RC3H2: variants seen among roughly 807,000 people sequenced by gnomAD.
RC3H2 encodes roquin-2.
A neutral mutation model predicts 133.3 loss-of-function variants in RC3H2; 31 were observed. The observed-to-expected ratio is 0.23, with a 90% CI of 0.17 to 0.31. The LOEUF (loss-of-function observed/expected upper bound fraction) is 0.31, where lower values mean the gene tolerates loss of function less well. RC3H2 is among the 10% of genes least tolerant of loss of function. The probability of loss-of-function intolerance (pLI) is 1.00; values close to 1 mark genes in which losing one functional copy is unlikely to be tolerated. For synonymous variants in RC3H2, 517 were observed against 502.2 expected, an observed-to-expected ratio of 1.03 and a Z score of -0.40; for missense variants, 1,175 against 1,437.2, an observed-to-expected ratio of 0.82 and a Z score of 2.95.
At chr9:122,902,046 C>T (rs968375512) in intron 1 of RC3H2, among the ~76,000 whole-genome samples, 2 of 151,606 alleles carry the variant, frequency 1.3e-5, no homozygotes, top group African/African-American at 4.9e-5. Flanking sequence ...TCTCCTGCCT[C>T]AGCCTCCGGA....
Position 122,862,786 on chromosome 9 carries a change from T to C in RC3H2, c.1634+2563A>G, listed in dbSNP as rs1241067278. On this transcript the variant is annotated intron_variant, in intron 10 of 20. Transcript: ENST00000357244. ...GGCAGGTGCCTGTAATCCCAGCTAC[T>C]TAGGAGGCTGAGGCAGGAGAATTGC... 3.3e-5 allele frequency among the ~76,000 whole-genome samples: 5 copies of C among 151,604 alleles called. No homozygotes were observed. The East Asian group carries it at 9.7e-4, about 29-fold the overall frequency.
In RC3H2 at chr9:122,851,177, T is replaced by G; in HGVS notation, c.3284A>C (p.Asn1095Thr). 1.2e-6 allele frequency: 2 copies of G among 1,614,164 alleles called. No homozygotes were observed. The highest frequency in any genetic ancestry group is 2.2e-5 in the South Asian group (2 of 91,086). ...ATGCCCATTTTCCACTGCCATTCCA[T>G]TTAGCAACTGATCATTTTGAGAACT... ...GISSQNDQLL[N>T]GMAVENGHPV... Residue 1095 changes from asparagine (N) to threonine (T), a missense_variant, in exon 20 of 21, where the codon AAT becomes ACT. Asn to Thr is a moderately conservative substitution (Grantham distance 65). Transcript: ENST00000357244.
At chr9:122,863,767 A>T (rs995589326) in intron 10 of RC3H2, among the ~76,000 whole-genome samples, 5 of 150,960 alleles carry the variant, frequency 3.3e-5, no homozygotes, top group African/African-American at 1.2e-4. Flanking sequence ...ATGGAGTCTC[A>T]CTCTTGTTGC....
At position 122,848,219 on chromosome 9, in the gene RC3H2, G is replaced by A. The variant is rs1829908649; in HGVS notation, c.*1408C>T. 1 of 152,050 alleles carries A rather than the reference G, an allele frequency of 6.6e-6. No individual in the cohort carries two copies. The highest frequency in any genetic ancestry group is 2.4e-5 in the African/African-American group (1 of 41,406). 9.4% of individuals were successfully genotyped at this position (152,050 alleles called of 1,614,324 possible). On this transcript the variant is annotated 3_prime_UTR_variant, in exon 21 of 21. Transcript: ENST00000357244. The stretch of plus-strand genomic sequence containing the variant: ...TTAAAATATTCCAGTACAATTTTCA[G>A]AGTAAACAACTTCACAGAAGTTAAT...
intron 9 of RC3H2, chr9:122,875,360 G>C: frequency 1.9e-6 from 3 of 1,549,094 alleles, no homozygotes; most frequent in Non-Finnish European, 2.6e-6. Context: ...TAGTCCACGG[G>C]GGTTACACTT....
At chr9:122,885,533 G>C (rs907909567) in intron 4 of RC3H2, among the ~76,000 whole-genome samples, 3 of 152,080 alleles carry the variant, frequency 2.0e-5, no homozygotes, top group Non-Finnish European at 4.4e-5. Flanking sequence ...AACAAAATTG[G>C]AACTATAATG....
Position 122,851,434 on chromosome 9 carries a change from T to C in RC3H2, c.3120A>G (p.Leu1040=). 1 of 1,613,790 alleles carries C rather than the reference T, an allele frequency of 6.2e-7. No individual in the cohort carries two copies. Among genetic ancestry groups the C allele is most frequent in the East Asian group, 2.2e-5 (1 of 44,880 alleles). Residue 1040 remains leucine, a splice_region_variant and synonymous_variant, in exon 19 of 21, where the codon TTA becomes TTG. Coordinates refer to ENST00000357244, the MANE Select transcript of RC3H2 (RefSeq NM_001100588.3). ...SKEIELRNGE[L]QSDYTEDATD... ...TTGCATCTTCTGTATAATCACTCTG[T>C]AACTAAGAAAAATACTGATTTTGCT...
intron 1 of RC3H2, among the ~76,000 whole-genome samples, chr9:122,902,897 A>G (rs192919941): frequency 6.6e-6 from 1 of 152,132 alleles, no homozygotes; most frequent in Admixed American, 6.6e-5. Context: ...TTTTAGTAAT[A>G]TATTTTATTT....
rs1830202999 is a variant in RC3H2, at chr9:122,855,360, A to G, written c.2639T>C (p.Leu880Ser). The G allele has an allele frequency of 6.2e-7, 1 of 1,613,800 alleles. No individual in the cohort carries two copies. Among genetic ancestry groups the G allele is most frequent in the Non-Finnish European group, 8.5e-7 (1 of 1,180,034 alleles). Residue 880 changes from leucine to serine, a missense_variant, in exon 15 of 21, where the codon TTA (leucine) becomes TCA (serine). Transcript: ENST00000357244. Reference protein sequence around the residue: ...DSGDVKRRVHLFETQRRTKEE... With the variant: ...DSGDVKRRVHSFETQRRTKEE... ...TTTTGTCCTTCTCTGGGTTTCAAATAAATGTACTCTTCTCTTAACATCACC... is the reference window on the plus strand; with the variant it reads ...TTTTGTCCTTCTCTGGGTTTCAAATGAATGTACTCTTCTCTTAACATCACC...
At position 122,890,520 on chromosome 9, in the gene RC3H2, T is replaced by C. The variant is rs1308175808; in HGVS notation, c.375A>G (p.Ala125=). ...GTTTCCTTTGCATTGGACGGCTCAG[T>C]GCACTCTGGTTCAAGCTAGCTACAC... ...GKGVASLNQS[A]LSRPMQRKLV... is the part of the protein sequence containing the mutation. Residue 125 remains alanine (A), a synonymous_variant, in exon 4 of 21, where the codon GCA becomes GCG. Coordinates refer to ENST00000357244, the MANE Select transcript of RC3H2 (RefSeq NM_001100588.3). 1 of 1,613,616 alleles carries C rather than the reference T, an allele frequency of 6.2e-7. No individual in the cohort carries two copies.
chr9:122,873,767 A>T (rs1831209254), intron 9 of RC3H2: 1 of 152,148 alleles, frequency 6.6e-6, no homozygotes, highest in Admixed American at 6.5e-5. Context: ...CATGTAAATA[A>T]ACAATTATAA....
Position 122,858,108 on chromosome 9 carries a change from A to C in RC3H2, c.2284-15T>G, listed in dbSNP as rs770823604. ...CCACAAGGTTCCTAATGGGGGATAA[A>C]AGAAACAATCTTAATCATCTAGGGA... On this transcript the variant is annotated splice_polypyrimidine_tract_variant and intron_variant, in intron 12 of 20. Coordinates refer to ENST00000357244, the MANE Select transcript of RC3H2 (RefSeq NM_001100588.3). 6.2e-7 allele frequency: 1 copy of C among 1,612,482 alleles called. No homozygotes were observed. The highest frequency in any genetic ancestry group is 8.5e-7 in the Non-Finnish European group (1 of 1,179,202).
At chr9:122,889,175 A>C (rs994007472) in intron 4 of RC3H2, among the ~76,000 whole-genome samples, 5 of 151,946 alleles carry the variant, frequency 3.3e-5, no homozygotes, top group Admixed American at 2.6e-4. Flanking sequence ...CTTCTTTTTC[A>C]TTTGCTTATA....
intron 2 of RC3H2, among the ~76,000 whole-genome samples, chr9:122,895,302 G>A (rs1832372164): frequency 6.6e-6 from 1 of 151,808 alleles, no homozygotes; most frequent in African/African-American, 2.4e-5. Flanking sequence ...CAAGTAGGTG[G>A]GACTACAGTC....
At position 122,866,654 on chromosome 9, in the gene RC3H2, G is replaced by A. The variant is rs542366656; in HGVS notation, c.1326-997C>T. On this transcript the variant is annotated intron_variant, in intron 9 of 20. Transcript: ENST00000357244. ...GCTCCTAGCCGCGAGTGATCCGCCA[G>A]CCTCGGCCTCCGGAGGTGCCGGGAT... 5.8e-4 allele frequency among the ~76,000 whole-genome samples: 88 copies of A among 152,244 alleles called. 1 individual carries two copies. The highest frequency in any genetic ancestry group is 9.1e-4 in the Non-Finnish European group (62 of 68,026).
chr9:122,896,179 G>C lies in RC3H2; in HGVS notation c.231+1100C>G, dbSNP rs1027364027. Among the ~76,000 whole-genome samples, 5 of 151,388 alleles carry C rather than the reference G, an allele frequency of 3.3e-5. No individual in the cohort carries two copies. In the East Asian group the frequency reaches 9.7e-4, roughly 29 times the overall value. ...TTGGGCTGCATTCAAAGCTGTCCTGGGCTGCATGTGGCCTGAAAGCCAGAC... is the reference window on the plus strand; with the variant it reads ...TTGGGCTGCATTCAAAGCTGTCCTGCGCTGCATGTGGCCTGAAAGCCAGAC... On this transcript the variant is annotated intron_variant, in intron 2 of 20. Transcript: ENST00000357244.
At chr9:122,870,401 CAAA>C (rs1831023664) in intron 9 of RC3H2, among the ~76,000 whole-genome samples, 1 of 127,380 alleles carries the variant, frequency 7.9e-6, no homozygotes, top group African/African-American at 2.9e-5. Context: ...AACAAACAAA[CAAA>C]CAAACAAACA....
chr9:122,867,493 C>T (rs1830759181), intron 9 of RC3H2, among the ~76,000 whole-genome samples: 1 of 143,786 alleles, frequency 7.0e-6, no homozygotes, highest in South Asian at 2.3e-4. Context: ...GCCGCCCTGT[C>T]GGGGATGTGA....
intron 9 of RC3H2, among the ~76,000 whole-genome samples, chr9:122,875,587 A>T (rs1340558518): frequency 6.6e-6 from 1 of 152,232 alleles, no homozygotes; most frequent in Non-Finnish European, 1.5e-5. Context: ...TCAAGCTCTA[A>T]AACAGGCCAC....
Sources: gnomAD v4.1 joint callset for allele counts (sites outside exome capture counted in the v4.1 genomes callset) on GRCh38, gnomAD v4.1.1 for gene constraint, MANE v1.5 for transcripts, NCBI Gene and HGNC (gene_info 2026-07-23, HGNC 2026-07-21) for gene names.